Variants in CRHR1 observed in about 807,000 individuals in gnomAD.
CRHR1 encodes corticotropin releasing hormone receptor 1, also known as corticotropin-releasing hormone receptor 1.
CRHR1 carries 28 observed loss-of-function variants against 56.0 expected under a neutral mutation model. That is an observed-to-expected ratio of 0.50 (90% CI 0.37 to 0.69). The LOEUF is 0.69. CRHR1 is among the 30% of genes least tolerant of loss of function. The probability of loss-of-function intolerance (pLI) is 0.00; values close to 1 mark genes in which losing one functional copy is unlikely to be tolerated. For missense variants in CRHR1, 376 were observed against 548.0 expected, an observed-to-expected ratio of 0.69 and a Z score of 3.13; for synonymous variants, 195 against 216.5, an observed-to-expected ratio of 0.90 and a Z score of 0.87.
intron 4 of CRHR1, among the ~76,000 whole-genome samples, chr17:45,828,999 G>A (rs921314419): frequency 1.3e-5 from 2 of 152,184 alleles, no homozygotes; most frequent in Non-Finnish European, 2.9e-5. Context: ...GACACAACAC[G>A]GAGCAGTGAA....
intron 1 of CRHR1, among the ~76,000 whole-genome samples, chr17:45,797,021 C>T (rs1568034001): frequency 1.3e-5 from 2 of 152,218 alleles, no homozygotes; most frequent in African/African-American, 4.8e-5. Flanking sequence ...CCGGGCACCC[C>T]CTGCCCCCAT....
intron 4 of CRHR1, among the ~76,000 whole-genome samples, 187 bp downstream of exon 4, chr17:45,821,627 G>C (rs1187962318): frequency 6.6e-6 from 1 of 152,246 alleles, no homozygotes; most frequent in Non-Finnish European, 1.5e-5. Flanking sequence ...TCGAGGGCAG[G>C]CTGGACCAAT....
In CRHR1 at chr17:45,812,179, G is replaced by C. The variant is rs143264018; in HGVS notation, c.122-4284G>C. Among the ~76,000 whole-genome samples, 489 of 152,262 alleles carry C rather than the reference G, an allele frequency of 3.2e-3. 1 individual carries two copies. Among genetic ancestry groups the C allele is most frequent in the African/African-American group, 0.011 (455 of 41,536 alleles). ...AAATGTTATATAAATATAAATAGCT[G>C]TTATACTGTACTGTTTAGGGAATAA... On this transcript the variant is annotated intron_variant, in intron 2 of 12. Transcript: ENST00000314537.
In CRHR1 at chr17:45,784,612, GC is replaced by G. The variant is rs1381966151; in HGVS notation, c.33+40del. ...CGCCGGCCATCCCTCGAGCGCTGGC[GC>G]CCCCGGCCCCTGGCGGACGCGGGAC... On this transcript the variant is annotated intron_variant, in intron 1 of 12. Coordinates refer to ENST00000314537, the MANE Select transcript of CRHR1 (RefSeq NM_004382.5). This position sits in a 1 kb window ranked among gnomAD's most constrained non-coding sequence, Gnocchi z 4.2. The G allele has an allele frequency of 7.2e-6, 11 of 1,532,780 alleles. No homozygotes were observed. Among genetic ancestry groups the G allele is most frequent in the East Asian group, 5.1e-5 (2 of 38,904 alleles). The allele number at this position is 1,532,780 out of a possible 1,614,324, so 94.9% of individuals were successfully genotyped here.
Position 45,807,115 on chromosome 17 carries a change from C to G in CRHR1, c.121+18C>G. Reference sequence around the variant, plus strand: ...CATCTCAGGTGAGTCCCCTCAACCCCCTCCTGCAAGATTCCTGGTCACCAC... The same window carrying G: ...CATCTCAGGTGAGTCCCCTCAACCCGCTCCTGCAAGATTCCTGGTCACCAC... On this transcript the variant is annotated intron_variant, in intron 2 of 12. Coordinates refer to ENST00000314537, the MANE Select transcript of CRHR1 (RefSeq NM_004382.5). 1.2e-6 allele frequency: 2 copies of G among 1,611,366 alleles called. No individual in the cohort carries two copies.
chr17:45,822,465 C>T (rs537435020), intron 4 of CRHR1, among the ~76,000 whole-genome samples: 2 of 152,364 alleles, frequency 1.3e-5, no homozygotes, highest in Admixed American at 1.3e-4. Context: ...ACACCCCAGG[C>T]TGTCCGAGGG....
At position 45,833,753 on chromosome 17, in the gene CRHR1, G is replaced by A; in HGVS notation, c.969G>A (p.Leu323=). Reference sequence around the variant, plus strand: ...CCACTCTGGTGCTGCTGCCCCTCCTGGGCATCACCTACATGCTGTTCTTCG... The same window carrying A: ...CCACTCTGGTGCTGCTGCCCCTCCTAGGCATCACCTACATGCTGTTCTTCG... ...VKATLVLLPL[L]GITYMLFFVN... The change falls in exon 11 of 13, where the codon CTG becomes CTA. Residue 323 remains leucine, a synonymous_variant. Coordinates refer to ENST00000314537, the MANE Select transcript of CRHR1 (RefSeq NM_004382.5). The A allele has an allele frequency of 1.3e-6, 2 of 1,560,788 alleles. No homozygotes were observed. The highest frequency in any genetic ancestry group is 1.7e-6 in the Non-Finnish European group (2 of 1,147,900).
At chr17:45,804,106 A>C (rs1316596466) in intron 1 of CRHR1, among the ~76,000 whole-genome samples, 1 of 152,206 alleles carries the variant, frequency 6.6e-6, no homozygotes, top group East Asian at 1.9e-4. Context: ...GAGACTGTGA[A>C]GTTTAATTAC....
chr17:45,810,108 C>T (rs1402860441), intron 2 of CRHR1, among the ~76,000 whole-genome samples: 3 of 151,928 alleles, frequency 2.0e-5, no homozygotes, highest in South Asian at 2.1e-4. Context: ...GGTGAAACCC[C>T]GTCTCTACTA....
chr17:45,802,727 C>T (rs1185641041), intron 1 of CRHR1, among the ~76,000 whole-genome samples: 1 of 152,216 alleles, frequency 6.6e-6, no homozygotes, highest in Non-Finnish European at 1.5e-5. Context: ...TGAACCATCA[C>T]ATTCAAGAGA....
intron 1 of CRHR1, among the ~76,000 whole-genome samples, chr17:45,787,138 A>C (rs898189757): frequency 1.3e-5 from 2 of 152,194 alleles, no homozygotes; most frequent in African/African-American, 4.8e-5. Flanking sequence ...TCACACTATA[A>C]CAGTTACAGA....
intron 2 of CRHR1, among the ~76,000 whole-genome samples, chr17:45,813,750 G>T (rs2061871591): frequency 6.6e-6 from 1 of 152,254 alleles, no homozygotes; most frequent in Non-Finnish European, 1.5e-5. Flanking sequence ...AAGCCATTTG[G>T]CCACTTTGGC....
intron 1 of CRHR1, among the ~76,000 whole-genome samples, chr17:45,790,742 C>T (rs919923741): frequency 2.6e-5 from 4 of 152,192 alleles, no homozygotes; most frequent in Non-Finnish European, 5.9e-5. Flanking sequence ...GAAAAACTGG[C>T]TAGACTGGTC....
chr17:45,796,922 A>G (rs934627645), intron 1 of CRHR1, among the ~76,000 whole-genome samples: 29 of 152,374 alleles, frequency 1.9e-4, no homozygotes, highest in African/African-American at 6.3e-4. Flanking sequence ...CCATGAGTCA[A>G]TTTGAGAGCA....
At chr17:45,792,702 CTCA>C (rs1280810191) in intron 1 of CRHR1, among the ~76,000 whole-genome samples, 1 of 152,148 alleles carries the variant, frequency 6.6e-6, no homozygotes, top group African/African-American at 2.4e-5. Flanking sequence ...TTGTTCTCAC[CTCA>C]TCCCGTCCCC....
Position 45,830,577 on chromosome 17 carries a change from T to G in CRHR1, c.709+7T>G. Reference sequence around the variant, plus strand: ...TTCATCTGCATTGGCTGGGGTGAGCTGGGCAGCCACCTCCGCAGCCTGGGC... The same window carrying G: ...TTCATCTGCATTGGCTGGGGTGAGCGGGGCAGCCACCTCCGCAGCCTGGGC... On this transcript the variant is annotated splice_region_variant and intron_variant, in intron 7 of 12. Transcript: ENST00000314537. 6.2e-7 allele frequency: 1 copy of G among 1,600,240 alleles called. No homozygotes were observed. The highest frequency in any genetic ancestry group is 2.2e-5 in the East Asian group (1 of 44,676).
At chr17:45,815,419 C>T (rs1002891392) in intron 2 of CRHR1, among the ~76,000 whole-genome samples, 19 of 152,330 alleles carry the variant, frequency 1.2e-4, no homozygotes, top group Admixed American at 8.5e-4. Context: ...CTCTCTCTCT[C>T]GCGTGCTCTC....
Position 45,830,180 on chromosome 17 carries a change from T to G in CRHR1, c.521T>G (p.Leu174Arg). 2 of 1,614,128 alleles carry G rather than the reference T, an allele frequency of 1.2e-6. No individual in the cohort carries two copies. The highest frequency in any genetic ancestry group is 1.7e-6 in the Non-Finnish European group (2 of 1,180,014). The change falls in exon 6 of 13, where the codon CTA (leucine) becomes CGA (arginine). Residue 174 changes from leucine (L) to arginine (R), a missense_variant. Leu to Arg is a moderately radical substitution (Grantham distance 102). Around this residue, in one of 2 missense-constraint regions of CRHR1, gnomAD observed 369 missense variants for 519.5 expected, o/e 0.71. Transcript: ENST00000314537. ...AACGCCACCTGGTTCGTGGTCCAGC[T>G]AACCATGAGCCCCGAGGTCCACCAG... ...LRNATWFVVQ[L>R]TMSPEVHQSN...
chr17:45,793,769 G>T (rs2061468790), intron 1 of CRHR1, among the ~76,000 whole-genome samples: 2 of 152,216 alleles, frequency 1.3e-5, no homozygotes. Flanking sequence ...AGCTGACAGG[G>T]CAGGAGACCT....
Sources: allele counts gnomAD v4.1 joint callset (sites outside exome capture counted in the v4.1 genomes callset), GRCh38; gene constraint gnomAD v4.1.1; regional missense constraint gnomAD v4.1.1; non-coding constraint Gnocchi (gnomAD v3.1); transcripts MANE v1.5; gene names NCBI Gene and HGNC (gene_info 2026-07-23, HGNC 2026-07-21).